The following THADA variants were observed in gnomAD, a reference collection of about 807,000 sequenced individuals.
THADA encodes the protein tRNA (32-2'-O)-methyltransferase regulator THADA.
A neutral mutation model predicts 219.8 loss-of-function variants in THADA; 213 were observed. That is an observed-to-expected ratio of 0.97 (90% CI 0.87 to 1.09). The LOEUF is 1.09. THADA is among the 50% of genes least tolerant of loss of function. The pLI, the probability that THADA is intolerant of heterozygous loss-of-function variation, is 0.00. For missense variants in THADA, 2,956 were observed against 2,311.3 expected (o/e 1.28, Z -5.72); for synonymous variants, 1,018 against 828.9 (o/e 1.23, Z -3.92).
chr2:43,514,122 AG>A (rs996721053), intron 22 of THADA, among the ~76,000 whole-genome samples: 1 of 151,818 alleles, frequency 6.6e-6, no homozygotes, highest in African/African-American at 2.4e-5. Context: ...AAATAAGAAC[AG>A]GCATGTATAA....
At chr2:43,588,736 G>T (rs1183597147) in intron 4 of THADA, among the ~76,000 whole-genome samples, 1 of 151,994 alleles carries the variant, frequency 6.6e-6, no homozygotes, top group Non-Finnish European at 1.5e-5. Flanking sequence ...TAATTCAATG[G>T]GTAGTCTGGG....
chr2:43,556,590 T>G, intron 16 of THADA, 35 bp from the exon 17 acceptor site: 1 of 1,575,828 alleles, frequency 6.3e-7, no homozygotes, highest in South Asian at 1.1e-5. Flanking sequence ...ACTGTCAAAT[T>G]AAAGATCTCT....
intron 7 of THADA, among the ~76,000 whole-genome samples, chr2:43,584,298 G>C (rs553184461): frequency 3.9e-5 from 6 of 152,294 alleles, no homozygotes; most frequent in Admixed American, 2.6e-4. Context: ...ATGTCCATCA[G>C]TCTACCACTC....
intron 29 of THADA, among the ~76,000 whole-genome samples, chr2:43,378,131 A>G (rs1486243027): frequency 6.6e-6 from 1 of 152,340 alleles, no homozygotes; most frequent in East Asian, 1.9e-4. Flanking sequence ...AGAAGTAAAC[A>G]TAATTACCAT....
intron 22 of THADA, among the ~76,000 whole-genome samples, chr2:43,526,917 G>T (rs1306659764): frequency 6.7e-6 from 1 of 148,430 alleles, no homozygotes; most frequent in African/African-American, 2.5e-5. Flanking sequence ...GTGTTTTGAG[G>T]GAAAAAAAAG....
chr2:43,267,644 C>T (rs894716336), intron 36 of THADA, among the ~76,000 whole-genome samples: 10 of 152,156 alleles, frequency 6.6e-5, no homozygotes, highest in Non-Finnish European at 7.3e-5. Context: ...TCCTGCCTTC[C>T]GGCTCACCAG....
At chr2:43,438,539 C>A (rs565534283) in intron 26 of THADA, among the ~76,000 whole-genome samples, 1 of 152,226 alleles carries the variant, frequency 6.6e-6, no homozygotes, top group Admixed American at 6.5e-5. Context: ...CTCTTGAAAA[C>A]GGGCATCAGA....
intron 26 of THADA, among the ~76,000 whole-genome samples, chr2:43,436,240 C>T (rs1012525422): frequency 1.3e-5 from 2 of 152,064 alleles, no homozygotes; most frequent in Non-Finnish European, 2.9e-5. Context: ...AATGGGAGAA[C>T]TGATTTTGAG....
chr2:43,412,295 G>C (rs906263293), intron 28 of THADA, among the ~76,000 whole-genome samples: 1 of 152,100 alleles, frequency 6.6e-6, no homozygotes, highest in Non-Finnish European at 1.5e-5. Context: ...CAAAATGTAT[G>C]AGTCACTCTT....
chr2:43,293,364 T>G (rs1267627417), intron 31 of THADA, among the ~76,000 whole-genome samples, 151 bp from the exon 32 acceptor site: 1 of 152,256 alleles, frequency 6.6e-6, no homozygotes, highest in East Asian at 1.9e-4. Flanking sequence ...AGTGGCCCTC[T>G]AAGGTTCAGA....
intron 31 of THADA, among the ~76,000 whole-genome samples, chr2:43,299,563 G>A (rs1288904102): frequency 1.3e-5 from 2 of 152,102 alleles, no homozygotes; most frequent in African/African-American, 4.8e-5. Flanking sequence ...TCAGGAGGCT[G>A]AGGGAGGAGA....
intron 26 of THADA, among the ~76,000 whole-genome samples, chr2:43,468,573 C>A (rs1454618442): frequency 6.6e-6 from 1 of 152,192 alleles, no homozygotes; most frequent in African/African-American, 2.4e-5. Flanking sequence ...GCTACCAAAG[C>A]TACCCAATTA....
At chr2:43,494,384 G>C (rs950535193) in intron 25 of THADA, among the ~76,000 whole-genome samples, 1 of 152,104 alleles carries the variant, frequency 6.6e-6, no homozygotes, top group African/African-American at 2.4e-5. Context: ...TAAAATGTTA[G>C]GACCCGGGCT....
chr2:43,285,980 T>G (rs1673954872), intron 35 of THADA, among the ~76,000 whole-genome samples: 1 of 152,222 alleles, frequency 6.6e-6, no homozygotes, highest in Non-Finnish European at 1.5e-5. Context: ...TGAATTTTCC[T>G]CTATATCAAC....
At position 43,508,643 on chromosome 2, in the gene THADA, A is replaced by G. The variant is rs756576467; in HGVS notation, c.3507+5T>C. On this transcript the variant is annotated splice_donor_5th_base_variant and intron_variant, in intron 23 of 37. Transcript: ENST00000405975. Reference sequence around the variant, plus strand: ...ACAAACAGCTAGGGTCCTACAGATAAATACCTGTATGTAGAAAGGAATTCC... The same window carrying G: ...ACAAACAGCTAGGGTCCTACAGATAGATACCTGTATGTAGAAAGGAATTCC... 1.9e-6 allele frequency: 3 copies of G among 1,612,244 alleles called. No individual in the cohort carries two copies. The highest frequency in any genetic ancestry group is 2.5e-6 in the Non-Finnish European group (3 of 1,179,084).
chr2:43,489,040 T>C (rs1018068887), intron 25 of THADA, among the ~76,000 whole-genome samples: 1 of 152,202 alleles, frequency 6.6e-6, no homozygotes, highest in Non-Finnish European at 1.5e-5. Context: ...GTTCTTTATA[T>C]ATTCTGGACA....
intron 28 of THADA, among the ~76,000 whole-genome samples, chr2:43,427,437 TC>T (rs911093613): frequency 1.4e-4 from 21 of 151,462 alleles, no homozygotes; most frequent in Non-Finnish European, 2.9e-4. Flanking sequence ...AGCACCTTAC[TC>T]TGAAACACTG....
chr2:43,394,408 G>C (rs1239300875), intron 29 of THADA, among the ~76,000 whole-genome samples: 2 of 152,140 alleles, frequency 1.3e-5, no homozygotes, highest in African/African-American at 2.4e-5. Flanking sequence ...TTTCAAAGCA[G>C]TCAAAATGTA....
chr2:43,355,102 A>T (rs1278151967), intron 29 of THADA, among the ~76,000 whole-genome samples: 1 of 152,198 alleles, frequency 6.6e-6, no homozygotes, highest in Non-Finnish European at 1.5e-5. Flanking sequence ...TAGCAGCTTG[A>T]GAACAAACTA....
Sources: allele counts gnomAD v4.1 joint callset (sites outside exome capture counted in the v4.1 genomes callset), GRCh38; gene constraint gnomAD v4.1.1; transcripts MANE v1.5; gene names NCBI Gene and HGNC (gene_info 2026-07-23, HGNC 2026-07-21).